Variants in MARCHF1 observed in about 807,000 individuals in gnomAD.
MARCHF1 encodes E3 ubiquitin-protein ligase MARCHF1.
MARCHF1 carries 40 observed loss-of-function variants against 54.2 expected under a neutral mutation model. The ratio of observed to expected loss-of-function variants is 0.74; its 90% CI spans 0.57 to 0.96. The LOEUF (loss-of-function observed/expected upper bound fraction) is 0.96, where lower values mean the gene tolerates loss of function less well. Among genes scored for constraint, MARCHF1 ranks in the 40% least tolerant of loss-of-function variants. The pLI is 0.00. For synonymous variants in MARCHF1, 236 were observed against 236.3 expected, an observed-to-expected ratio of 1.00 and a Z score of 0.01; for missense variants, 586 against 656.5, an observed-to-expected ratio of 0.89 and a Z score of 1.17.
chr4:164,081,084 T>A (rs1755087053), intron 2 of MARCHF1, among the ~76,000 whole-genome samples: 1 of 147,570 alleles, frequency 6.8e-6, no homozygotes, highest in Non-Finnish European at 1.5e-5. Flanking sequence ...GGCGGGCTCC[T>A]GTAGTCCCAG....
At chr4:164,331,530 T>C (rs1561005300) in intron 1 of MARCHF1, among the ~76,000 whole-genome samples, 2 of 152,226 alleles carry the variant, frequency 1.3e-5, no homozygotes, top group African/African-American at 4.8e-5. Context: ...ACATTTTGGG[T>C]AATAATATAA....
chr4:164,256,974 T>G (rs77792250), intron 1 of MARCHF1, among the ~76,000 whole-genome samples: 3 of 152,140 alleles, frequency 2.0e-5, no homozygotes, highest in Non-Finnish European at 4.4e-5. Flanking sequence ...GAACAAATTA[T>G]AGTAGTATAA....
At chr4:163,989,999 T>C (rs1247544916) in intron 2 of MARCHF1, among the ~76,000 whole-genome samples, 1 of 152,226 alleles carries the variant, frequency 6.6e-6, no homozygotes, top group Non-Finnish European at 1.5e-5. Flanking sequence ...CTTTGTATTA[T>C]ACAGCAATAA....
Position 163,580,815 on chromosome 4 carries a change from A to AGTTGTGT in MARCHF1, c.1191+4933_1191+4934insACACAAC, listed in dbSNP as rs1740207783. ...GTATTAAAGTTTTTTTTTTTTTTTG[A>AGTTGTGT]GACGGAGTCTCGCTCTGTCGCCCAG... On this transcript the variant is annotated intron_variant, in intron 8 of 9. Transcript: ENST00000514618. 7.4e-3 allele frequency among the ~76,000 whole-genome samples: 251 copies of AGTTGTGT among 34,002 alleles called. 1 individual carries two copies. Among genetic ancestry groups the AGTTGTGT allele is most frequent in the East Asian group, 0.017 (18 of 1,066 alleles). 22.3% of individuals were successfully genotyped at this position (34,002 alleles called of 152,430 possible).
At chr4:163,913,614 A>C (rs548644673) in intron 3 of MARCHF1, among the ~76,000 whole-genome samples, 1 of 152,326 alleles carries the variant, frequency 6.6e-6, no homozygotes, top group South Asian at 2.1e-4. Flanking sequence ...AAGCCTGTGT[A>C]ACTTGATAGT....
At chr4:164,336,859 C>T (rs563147576) in intron 1 of MARCHF1, among the ~76,000 whole-genome samples, 1 of 152,302 alleles carries the variant, frequency 6.6e-6, no homozygotes, top group African/African-American at 2.4e-5. Context: ...TTTATACACA[C>T]TGGCATTTTA....
intron 2 of MARCHF1, among the ~76,000 whole-genome samples, chr4:164,013,883 G>A (rs1459557506): frequency 6.6e-6 from 1 of 152,152 alleles, no homozygotes; most frequent in Admixed American, 6.5e-5. Flanking sequence ...GCTAAAGGGA[G>A]TCCGGGTGTG....
At chr4:163,906,915 G>T (rs1321333847) in intron 3 of MARCHF1, among the ~76,000 whole-genome samples, 2 of 151,524 alleles carry the variant, frequency 1.3e-5, no homozygotes, top group Non-Finnish European at 2.9e-5. Flanking sequence ...AATCAATAAA[G>T]TATTTTTATG....
intron 2 of MARCHF1, among the ~76,000 whole-genome samples, chr4:164,009,131 A>G (rs1753362321): frequency 6.6e-6 from 1 of 152,028 alleles, no homozygotes; most frequent in African/African-American, 2.4e-5. Flanking sequence ...ATATGTAAAA[A>G]CTGAGACCTC....
At chr4:163,538,339 T>C (rs1168598538) in intron 9 of MARCHF1, among the ~76,000 whole-genome samples, 1 of 150,146 alleles carries the variant, frequency 6.7e-6, no homozygotes, top group East Asian at 2.0e-4. Context: ...TTTTTTTTTT[T>C]CACACACACA....
intron 2 of MARCHF1, among the ~76,000 whole-genome samples, chr4:164,011,693 C>T (rs567865333): frequency 6.6e-6 from 1 of 152,236 alleles, no homozygotes; most frequent in South Asian, 2.1e-4. Context: ...ATTAGTACAG[C>T]TATTACAGAG....
chr4:164,373,371 T>TC (rs1339308202), intron 1 of MARCHF1, among the ~76,000 whole-genome samples: 4 of 147,856 alleles, frequency 2.7e-5, no homozygotes, highest in Non-Finnish European at 6.0e-5. Context: ...TTTTTTTTTT[T>TC]TTTTGAGATG....
intron 1 of MARCHF1, among the ~76,000 whole-genome samples, chr4:164,202,932 C>T (rs1731494029): frequency 6.6e-6 from 1 of 151,864 alleles, no homozygotes; most frequent in Admixed American, 6.6e-5. Context: ...ACCATTAAAC[C>T]AAAATGGTGA....
chr4:163,932,772 G>T, intron 3 of MARCHF1: 1 of 578,062 alleles, frequency 1.7e-6, no homozygotes. Context: ...CCAGGAGAAA[G>T]TGGAGTCTGA....
chr4:163,981,160 T>C (rs920214431), intron 3 of MARCHF1, among the ~76,000 whole-genome samples: 1 of 152,266 alleles, frequency 6.6e-6, no homozygotes, highest in African/African-American at 2.4e-5. Context: ...TTTTTTTTTT[T>C]CCTAAGAAAC....
At chr4:164,223,811 C>G (rs1353677127) in intron 1 of MARCHF1, among the ~76,000 whole-genome samples, 1 of 151,298 alleles carries the variant, frequency 6.6e-6, no homozygotes, top group Non-Finnish European at 1.5e-5. Flanking sequence ...ATAGGAAACC[C>G]TACATATTAT....
intron 4 of MARCHF1, among the ~76,000 whole-genome samples, chr4:163,725,913 G>C (rs1240956541): frequency 6.6e-6 from 1 of 152,152 alleles, no homozygotes; most frequent in Non-Finnish European, 1.5e-5. Flanking sequence ...GACATCTTAT[G>C]ATTTCCAATC....
intron 4 of MARCHF1, among the ~76,000 whole-genome samples, chr4:163,739,816 C>T (rs1035696559): frequency 2.6e-5 from 4 of 152,156 alleles, no homozygotes; most frequent in African/African-American, 9.7e-5. Flanking sequence ...AATACAATAA[C>T]AATCATCACT....
chr4:164,245,293 G>A (rs1429372755), intron 1 of MARCHF1, among the ~76,000 whole-genome samples: 1 of 151,754 alleles, frequency 6.6e-6, no homozygotes, highest in Non-Finnish European at 1.5e-5. Context: ...GGGATGCAAG[G>A]CTGGTTCAAA....
Sources: gnomAD v4.1 joint callset for allele counts (sites outside exome capture counted in the v4.1 genomes callset) on GRCh38, gnomAD v4.1.1 for gene constraint, MANE v1.5 for transcripts, NCBI Gene and HGNC (gene_info 2026-07-23, HGNC 2026-07-21) for gene names.